The following ANKRD44 variants were observed in gnomAD, a reference collection of about 807,000 sequenced individuals.
ANKRD44 encodes ankyrin repeat domain 44.
ANKRD44 carries 35 observed loss-of-function variants against 116.0 expected under a neutral mutation model. That is an observed-to-expected ratio of 0.30 (90% CI 0.23 to 0.40). ANKRD44 has a LOEUF of 0.40. ANKRD44 is among the 10% of genes least tolerant of loss of function. The pLI is 1.00. For missense variants in ANKRD44, 1,014 were observed against 1,242.6 expected (o/e 0.82, Z 2.77); for synonymous variants, 435 against 461.8 (o/e 0.94, Z 0.74).
intron 1 of ANKRD44, among the ~76,000 whole-genome samples, chr2:197,306,353 C>A (rs1378289848): frequency 2.0e-5 from 3 of 152,204 alleles, no homozygotes; most frequent in Non-Finnish European, 4.4e-5. Flanking sequence ...CCTCTCTATT[C>A]CTGTTTTCTC....
intron 21 of ANKRD44, 60 bp from the exon 22 acceptor site, chr2:197,001,900 C>A (rs2076121946): frequency 7.6e-7 from 1 of 1,308,726 alleles, no homozygotes; most frequent in Admixed American, 1.8e-5. Flanking sequence ...TCAACCCAAT[C>A]TGCTTTTTCA....
rs569609133 is a variant in ANKRD44 at position 197,079,606 on chromosome 2, T to C, written c.1539-792A>G. On this transcript the variant is annotated intron_variant, in intron 15 of 27. Transcript: ENST00000282272. ...CCTACTGCAAACGGTCCAGTCCTGC[T>C]GGGAAAGAGGGAGTCACTAGTCAGG... Among the ~76,000 whole-genome samples the C allele has an allele frequency of 4.4e-4, 67 of 152,344 alleles. 1 individual carries two copies. Among genetic ancestry groups the C allele is most frequent in the Non-Finnish European group, 4.4e-5 (3 of 68,034 alleles).
intron 1 of ANKRD44, among the ~76,000 whole-genome samples, chr2:197,227,765 T>C (rs2081754527): frequency 1.3e-5 from 2 of 152,176 alleles, no homozygotes; most frequent in East Asian, 3.8e-4. Flanking sequence ...TTGGGAAAAG[T>C]CCATGTCTCT....
At chr2:197,263,319 C>A in intron 1 of ANKRD44, 2 of 645,614 alleles carry the variant, frequency 3.1e-6, no homozygotes, top group South Asian at 3.0e-5. Context: ...GACATCGACA[C>A]AACAGCCAAG....
chr2:197,289,870 T>A (rs968058402), intron 1 of ANKRD44, among the ~76,000 whole-genome samples: 1 of 152,086 alleles, frequency 6.6e-6, no homozygotes, highest in Non-Finnish European at 1.5e-5. Context: ...TGGTCAATTT[T>A]TCTCTTTTTT....
intron 18 of ANKRD44, among the ~76,000 whole-genome samples, chr2:197,010,244 G>A (rs745792967): frequency 1.9e-4 from 29 of 152,126 alleles, no homozygotes; most frequent in Non-Finnish European, 4.0e-4. Context: ...ACCTCACGCC[G>A]GCTGGGTGTG....
At chr2:197,080,694 T>C (rs2077773520) in intron 15 of ANKRD44, among the ~76,000 whole-genome samples, 1 of 152,198 alleles carries the variant, frequency 6.6e-6, no homozygotes, top group African/African-American at 2.4e-5. Context: ...TCCCACAACC[T>C]GCATTGGAGC....
In ANKRD44 at chr2:197,250,838, G is replaced by A. The variant is rs950132688; in HGVS notation, c.27+59740C>T. 3.3e-5 allele frequency: 5 copies of A among 152,204 alleles called. No individual in the cohort carries two copies. The East Asian group carries it at 9.6e-4, about 29-fold the overall frequency. 9.4% of individuals were successfully genotyped at this position (152,204 alleles called of 1,614,324 possible). On this transcript the variant is annotated intron_variant, in intron 1 of 27. Transcript: ENST00000282272. ...AATTTACATGGGTAACTGCAAAAAT[G>A]TAGAAGCAGAAAAGACAGGTGACAA... is the stretch of plus-strand genomic sequence containing the variant.
intron 2 of ANKRD44, among the ~76,000 whole-genome samples, chr2:197,154,265 C>T (rs371974831): frequency 1.6e-3 from 247 of 149,978 alleles, no homozygotes; most frequent in Admixed American, 5.8e-3. Flanking sequence ...CTGCAAGCTC[C>T]GCCTCCCGGG....
downstream of ANKRD44, among the ~76,000 whole-genome samples, chr2:196,985,135 C>A (rs2075827961): frequency 6.6e-6 from 1 of 152,186 alleles, no homozygotes; most frequent in African/African-American, 2.4e-5. Flanking sequence ...CGGCAGCCAA[C>A]AGCCATCAAG....
At chr2:196,999,100 C>A (rs766436135) in intron 23 of ANKRD44, 48 bp from the exon 24 acceptor site, 1 of 1,598,898 alleles carries the variant, frequency 6.3e-7, no homozygotes, top group Non-Finnish European at 8.5e-7. Context: ...AAACTTTATT[C>A]TCGCTAGTTA....
chr2:196,973,290 T>C (rs2075728465), intron 21 of ANKRD44, among the ~76,000 whole-genome samples: 1 of 152,126 alleles, frequency 6.6e-6, no homozygotes, highest in Non-Finnish European at 1.5e-5. Context: ...TTGTGTTTTC[T>C]GTGTTTTTCC....
intron 10 of ANKRD44, among the ~76,000 whole-genome samples, chr2:197,091,109 G>A (rs1229934674): frequency 2.0e-5 from 3 of 152,250 alleles, no homozygotes; most frequent in Non-Finnish European, 4.4e-5. Flanking sequence ...AAGGCAAAGG[G>A]CCCACTGAGC....
chr2:197,232,059 C>T (rs963013956), intron 1 of ANKRD44, among the ~76,000 whole-genome samples: 16 of 152,164 alleles, frequency 1.1e-4, no homozygotes, highest in African/African-American at 3.4e-4. Context: ...ATTTGGTTAT[C>T]AAGACTTGCT....
At chr2:197,129,888 T>C (rs544953166) in intron 4 of ANKRD44, among the ~76,000 whole-genome samples, 1 of 152,354 alleles carries the variant, frequency 6.6e-6, no homozygotes, top group East Asian at 1.9e-4. Flanking sequence ...CCTGCAGCCA[T>C]AAGCAATGTC....
chr2:196,982,108 TTATATATA>T (rs58816698), downstream of ANKRD44, among the ~76,000 whole-genome samples: 3 of 96,550 alleles, frequency 3.1e-5, no homozygotes, highest in African/African-American at 1.1e-4. Flanking sequence ...CTAAAAAAAA[TTATATATA>T]TATATATATA....
chr2:197,220,787 G>A (rs923939121), intron 1 of ANKRD44, among the ~76,000 whole-genome samples: 11 of 152,140 alleles, frequency 7.2e-5, no homozygotes, highest in Non-Finnish European at 1.5e-4. Context: ...CTTTATTAAA[G>A]GGGCATTCAG....
chr2:196,993,100 T>A (rs2075950824), intron 27 of ANKRD44, among the ~76,000 whole-genome samples: 1 of 152,198 alleles, frequency 6.6e-6, no homozygotes, highest in Non-Finnish European at 1.5e-5. Flanking sequence ...GAAATTTTAC[T>A]CTTGTTCCTC....
intron 8 of ANKRD44, among the ~76,000 whole-genome samples, chr2:197,112,000 T>C (rs1011741261): frequency 1.3e-5 from 2 of 152,176 alleles, no homozygotes; most frequent in Non-Finnish European, 2.9e-5. Flanking sequence ...ACAGAAAATG[T>C]ACAACAGCTA....
Sources: gnomAD v4.1 joint callset for allele counts (sites outside exome capture counted in the v4.1 genomes callset) on GRCh38, gnomAD v4.1.1 for gene constraint, MANE v1.5 for transcripts, NCBI Gene and HGNC (gene_info 2026-07-23, HGNC 2026-07-21) for gene names.